The following TBCD variants were observed in gnomAD, a reference collection of about 807,000 sequenced individuals.
TBCD encodes the protein tubulin-specific chaperone D.
A neutral mutation model predicts 169.3 loss-of-function variants in TBCD; 105 were observed. The observed-to-expected ratio is 0.62, with a 90% confidence interval of 0.53 to 0.73. TBCD has a LOEUF of 0.73. TBCD is among the 30% of genes least tolerant of loss of function. The pLI, the probability that TBCD is intolerant of heterozygous loss-of-function variation, is 0.00. For synonymous variants in TBCD, 700 were observed against 643.9 expected, an observed-to-expected ratio of 1.09 and a Z score of -1.32; for missense variants, 1,444 against 1,600.1, an observed-to-expected ratio of 0.90 and a Z score of 1.66.
At chr17:82,861,756 G>A (rs1256138847) in intron 13 of TBCD, among the ~76,000 whole-genome samples, 1 of 152,142 alleles carries the variant, frequency 6.6e-6, no homozygotes, top group African/African-American at 2.4e-5. Flanking sequence ...GGAGTGAGTC[G>A]GTGGGCATAG....
At chr17:82,829,710 C>T (rs2053302464) in intron 13 of TBCD, 3 of 176,362 alleles carry the variant, frequency 1.7e-5, no homozygotes, top group Admixed American at 5.4e-5. Context: ...TTCTTTTTTA[C>T]ATATGGCACT....
At position 82,837,149 on chromosome 17, in the gene TBCD, CATT is replaced by C. The variant is rs2054058914; in HGVS notation, c.1318+22216_1318+22218del. On this transcript the variant is annotated intron_variant, in intron 13 of 38. Transcript: ENST00000355528. The stretch of plus-strand genomic sequence containing the variant: ...AGTGTCAGAGAAGTAAGTGGGATAA[CATT>C]GTTGCTTTGGTAAGCTTTCAAATGA... Among the ~76,000 whole-genome samples, 4 of 152,194 alleles carry C rather than the reference CATT, an allele frequency of 2.6e-5. No homozygotes were observed. The South Asian group carries it at 8.3e-4, about 32-fold the overall frequency.
chr17:82,779,242 G>A (rs1452732371), intron 6 of TBCD, among the ~76,000 whole-genome samples: 1 of 151,730 alleles, frequency 6.6e-6, no homozygotes. Flanking sequence ...CTGACGTCGT[G>A]ATTCACCTGC....
In TBCD at chr17:82,882,968, C is replaced by T. The variant is rs368830123; in HGVS notation, c.1476-1177C>T. On this transcript the variant is annotated intron_variant, in intron 14 of 38. Coordinates refer to ENST00000355528, the MANE Select transcript of TBCD (RefSeq NM_005993.5). ...TGCGCTGCCAGGCTGGAGCGGGTGACGGTGCCCGCCCTACCGGGCTGGAGC... is the reference window on the plus strand; with the variant it reads ...TGCGCTGCCAGGCTGGAGCGGGTGATGGTGCCCGCCCTACCGGGCTGGAGC... Among the ~76,000 whole-genome samples, 53 of 152,316 alleles carry T rather than the reference C, an allele frequency of 3.5e-4. 1 individual carries two copies. The East Asian group carries it at 8.1e-3, about 23-fold the overall frequency.
At chr17:82,935,732 G>A (rs1239072422) in intron 34 of TBCD, among the ~76,000 whole-genome samples, 2 of 152,286 alleles carry the variant, frequency 1.3e-5, no homozygotes, top group Admixed American at 6.5e-5. Context: ...CGGATATTTT[G>A]TCTTAGATGT....
chr17:82,847,776 C>T (rs925220124), intron 13 of TBCD, among the ~76,000 whole-genome samples: 3 of 152,140 alleles, frequency 2.0e-5, no homozygotes, highest in Admixed American at 6.5e-5. Flanking sequence ...TGCGTGGTAC[C>T]ACGCCTGGCT....
chr17:82,826,223 C>CT lies in TBCD; in HGVS notation c.1318+11299dup, dbSNP rs553261050. ...TATTTTTTCCACAGGTGTTCATGAC[C>CT]TTTTTTTTTTATTATTTTTTTAACT... On this transcript the variant is annotated intron_variant, in intron 13 of 38. Coordinates refer to ENST00000355528, the MANE Select transcript of TBCD (RefSeq NM_005993.5). 3.3e-3 allele frequency among the ~76,000 whole-genome samples: 487 copies of CT among 148,086 alleles called. 5 individuals carry two copies. The highest frequency in any genetic ancestry group is 9.4e-3 in the African/African-American group (379 of 40,198).
intron 7 of TBCD, among the ~76,000 whole-genome samples, chr17:82,786,735 G>A (rs2049339784): frequency 6.6e-6 from 1 of 152,174 alleles, no homozygotes; most frequent in Non-Finnish European, 1.5e-5. Context: ...CTGGGTGCAG[G>A]GCTCCGAGTC....
intron 13 of TBCD, among the ~76,000 whole-genome samples, chr17:82,825,198 T>A (rs1182065522): frequency 6.6e-6 from 1 of 152,162 alleles, no homozygotes; most frequent in Non-Finnish European, 1.5e-5. Context: ...TCCCTATTTG[T>A]CATTTAAGAT....
chr17:82,879,474 C>T (rs986185261), intron 14 of TBCD, among the ~76,000 whole-genome samples: 9 of 152,204 alleles, frequency 5.9e-5, no homozygotes, highest in South Asian at 2.1e-4. Flanking sequence ...CAGGGTGGGA[C>T]GCTCTGTGCA....
At chr17:82,837,758 C>G (rs993720171) in intron 13 of TBCD, among the ~76,000 whole-genome samples, 1 of 152,342 alleles carries the variant, frequency 6.6e-6, no homozygotes, top group East Asian at 1.9e-4. Flanking sequence ...TGCTGAAATA[C>G]TTATGCAGAG....
chr17:82,756,122 T>G, intron 1 of TBCD, 43 bp from the exon 2 acceptor site: 1 of 1,542,188 alleles, frequency 6.5e-7, no homozygotes. Flanking sequence ...ATGGGTATGT[T>G]TGGCCTAGTG....
At chr17:82,847,712 C>T (rs922986892) in intron 13 of TBCD, among the ~76,000 whole-genome samples, 1 of 152,164 alleles carries the variant, frequency 6.6e-6, no homozygotes, top group African/African-American at 2.4e-5. Flanking sequence ...ATCTCCGCCT[C>T]CCGAGTTCAA....
chr17:82,782,691 G>A lies in TBCD; in HGVS notation c.771+970G>A, dbSNP rs1281253188. ...TAGGGGAGATGATGAGTGCCACCTC[G>A]CCACGGCGTCCTCCTGTCCGTGGCG... On this transcript the variant is annotated intron_variant, in intron 7 of 38. Coordinates refer to ENST00000355528, the MANE Select transcript of TBCD (RefSeq NM_005993.5). This position sits in a 1 kb window ranked among gnomAD's most constrained non-coding sequence, Gnocchi z 5.1. 2.6e-5 allele frequency among the ~76,000 whole-genome samples: 4 copies of A among 152,144 alleles called. No individual in the cohort carries two copies. Among genetic ancestry groups the A allele is most frequent in the South Asian group, 4.1e-4 (2 of 4,828 alleles).
chr17:82,926,587 G>T (rs1345696985), intron 28 of TBCD, 96 bp downstream of exon 28: 2 of 1,002,806 alleles, frequency 2.0e-6, no homozygotes, highest in Admixed American at 4.2e-5. Flanking sequence ...CAGGACTTAT[G>T]ATTCTTCACT....
At chr17:82,885,283 G>A (rs1599213429) in intron 15 of TBCD, among the ~76,000 whole-genome samples, 2 of 152,248 alleles carry the variant, frequency 1.3e-5, no homozygotes, top group African/African-American at 4.8e-5. Context: ...GAGTGGGGCC[G>A]TGCAGGTGCA....
At chr17:82,898,074 G>T (rs1018262258) in intron 17 of TBCD, among the ~76,000 whole-genome samples, 2 of 140,368 alleles carry the variant, frequency 1.4e-5, no homozygotes, top group African/African-American at 5.5e-5. Flanking sequence ...ACATGGCATG[G>T]CTCTGGGTTT....
Position 82,890,844 on chromosome 17 carries a change from G to T in TBCD, c.1563+1147G>T, listed in dbSNP as rs2059083842. On this transcript the variant is annotated intron_variant, in intron 16 of 38. Transcript: ENST00000355528. This position sits in a 1 kb window ranked among gnomAD's most constrained non-coding sequence, Gnocchi z 5.3. ...TGTGCAGACAGCAAGAGCCGCCCAG[G>T]CCAAGGAGAATGTGAACGAGGTTTG... Among the ~76,000 whole-genome samples the T allele has an allele frequency of 6.6e-6, 1 of 152,214 alleles. No homozygotes were observed. The highest frequency in any genetic ancestry group is 1.5e-5 in the Non-Finnish European group (1 of 68,038).
intron 13 of TBCD, among the ~76,000 whole-genome samples, chr17:82,842,638 G>C (rs1377009959): frequency 1.3e-5 from 2 of 152,158 alleles, no homozygotes; most frequent in East Asian, 3.9e-4. Context: ...AAGTGCAAGA[G>C]AGATTTTTTT....
Sources: allele counts gnomAD v4.1 joint callset (sites outside exome capture counted in the v4.1 genomes callset), GRCh38; gene constraint gnomAD v4.1.1; non-coding constraint Gnocchi (gnomAD v3.1); transcripts MANE v1.5; gene names NCBI Gene and HGNC (gene_info 2026-07-23, HGNC 2026-07-21).